HUWE1: variants seen among roughly 807,000 people sequenced by gnomAD.
HUWE1 encodes E3 ubiquitin-protein ligase HUWE1.
A neutral mutation model predicts 299.4 loss-of-function variants in HUWE1; 18 were observed. The ratio of observed to expected loss-of-function variants is 0.06; its 90% CI spans 0.04 to 0.09. The LOEUF (loss-of-function observed/expected upper bound fraction) is 0.09, where lower values mean the gene tolerates loss of function less well. Ranked by LOEUF, HUWE1 falls within the 10% of genes least tolerant of loss-of-function variation. HUWE1 has a pLI of 1.00. For synonymous variants in HUWE1, 1,317 were observed against 1,286.1 expected (o/e 1.02, Z -0.51); for missense variants, 1,832 against 3,462.3 (o/e 0.53, Z 11.82).
intron 7 of HUWE1, among the ~76,000 whole-genome samples, chrX:53,637,949 G>C (rs782094647): frequency 9.0e-6 from 1 of 111,252 alleles, no homozygotes; most frequent in Non-Finnish European, 1.9e-5. Context: ...GTACTATTCA[G>C]AATAACACTA....
intron 3 of HUWE1, among the ~76,000 whole-genome samples, chrX:53,668,820 C>T (rs1603269398): frequency 1.8e-5 from 2 of 112,416 alleles, no homozygotes. Context: ...TCTTTCTACA[C>T]ATTACCTGCA....
At chrX:53,647,339 C>T in intron 6 of HUWE1, 29 bp downstream of exon 6, 1 of 1,038,397 alleles carries the variant, frequency 9.6e-7, no homozygotes, top group Non-Finnish European at 1.4e-6. Flanking sequence ...TAGTCAAGAA[C>T]AGGGTACACA....
intron 3 of HUWE1, among the ~76,000 whole-genome samples, chrX:53,672,461 G>GCC (rs2149544276): frequency 9.1e-6 from 1 of 109,891 alleles, no homozygotes; most frequent in South Asian, 3.9e-4. Flanking sequence ...GTTTCACCAT[G>GCC]TTGGCCAGGC....
chrX:53,606,212 G>A (rs186563808), intron 25 of HUWE1, among the ~76,000 whole-genome samples: 7 of 112,208 alleles, frequency 6.2e-5, no homozygotes, highest in East Asian at 2.8e-4. Flanking sequence ...TACCTGAGAA[G>A]AAATTAGTAT....
chrX:53,590,643 G>C, intron 34 of HUWE1, 144 bp from the exon 35 acceptor site: 1 of 514,871 alleles, frequency 1.9e-6, no homozygotes, highest in Non-Finnish European at 3.4e-6. Flanking sequence ...TCTTGTATAA[G>C]TCAAACCCTA....
Position 53,565,226 on chromosome X carries a change from T to C in HUWE1, c.6721A>G (p.Asn2241Asp). 8.3e-7 allele frequency: 1 copy of C among 1,208,706 alleles called. No individual in the cohort carries two copies. The highest frequency in any genetic ancestry group is 1.1e-6 in the Non-Finnish European group (1 of 893,325). ...GGCTTCAGAGCAGCATTGACTGTGT[T>C]GGCCATGTTGGGACTGAGATAAGGG... ...SLDLSSPNMA[N>D]TVNAALKPLE... is the part of the protein sequence containing the mutation. The change falls in exon 50 of 84, where the codon AAC becomes GAC. Residue 2241 changes from asparagine to aspartate, a missense_variant. Coordinates refer to ENST00000262854, the MANE Select transcript of HUWE1 (RefSeq NM_031407.7).
intron 57 of HUWE1, 73 bp from the exon 58 acceptor site, chrX:53,559,133 G>T: frequency 1.1e-6 from 1 of 907,264 alleles, no homozygotes; most frequent in Non-Finnish European, 1.6e-6. Context: ...TCCAAAAATT[G>T]CAGTATTTCC....
Position 53,593,394 on chromosome X carries a change from A to G in HUWE1, c.3711T>C (p.Ser1237=), listed in dbSNP as rs1281405754. ...PGGVQNFPQF[S]ALRFLVVTQK... ...GAGTTACCACAAGGAAGCGCAGTGCACTGAACTGGGGAAAGTTCTGGACAC... is the reference window on the plus strand; with the variant it reads ...GAGTTACCACAAGGAAGCGCAGTGCGCTGAACTGGGGAAAGTTCTGGACAC... The change falls in exon 32 of 84, where the codon AGT becomes AGC. Residue 1237 remains serine, a synonymous_variant. Transcript: ENST00000262854. 1.7e-6 allele frequency: 2 copies of G among 1,203,991 alleles called. No individual in the cohort carries two copies. The highest frequency in any genetic ancestry group is 2.2e-6 in the Non-Finnish European group (2 of 889,591).
At chrX:53,557,301 T>C (rs372799676) in intron 60 of HUWE1, 81 bp downstream of exon 60, 20 of 870,287 alleles carry the variant, frequency 2.3e-5, no homozygotes, top group Non-Finnish European at 3.2e-5. Context: ...CTTCAGCCTA[T>C]GTGGGCCAGC....
chrX:53,641,305 T>C (rs2067572826), intron 7 of HUWE1, among the ~76,000 whole-genome samples: 1 of 111,806 alleles, frequency 8.9e-6, no homozygotes, highest in African/African-American at 3.2e-5. Context: ...CACTATAGCT[T>C]TATGATATTA....
intron 45 of HUWE1, 145 bp from the exon 46 acceptor site, chrX:53,575,366 A>G: frequency 1.9e-6 from 1 of 524,285 alleles, no homozygotes; most frequent in Non-Finnish European, 3.4e-6. Context: ...TTTATACTAT[A>G]ATCTGTGGGA....
Position 53,686,701 on chromosome X carries a change from C to G in HUWE1, c.-375G>C, listed in dbSNP as rs1341677616. ...CTCCAGCCCTGCTCCAGCCCTGCTCCCCTCGCTAGCCCTCAGTCGAAAGCC... is the reference window on the plus strand; with the variant it reads ...CTCCAGCCCTGCTCCAGCCCTGCTCGCCTCGCTAGCCCTCAGTCGAAAGCC... On this transcript the variant is annotated 5_prime_UTR_variant, in exon 1 of 84. Coordinates refer to ENST00000262854, the MANE Select transcript of HUWE1 (RefSeq NM_031407.7). The G allele has an allele frequency of 1.7e-5, 2 of 118,217 alleles. No individual in the cohort carries two copies. The highest frequency in any genetic ancestry group is 6.5e-5 in the African/African-American group (2 of 30,948). 9.7% of individuals were successfully genotyped at this position (118,217 alleles called of 1,213,427 possible).
Position 53,563,826 on chromosome X carries a change from A to C in HUWE1, c.7030-5T>G. 1 of 1,208,612 alleles carries C rather than the reference A, an allele frequency of 8.3e-7. No homozygotes were observed. The highest frequency in any genetic ancestry group is 1.7e-5 in the African/African-American group (1 of 57,814). The stretch of plus-strand genomic sequence containing the variant: ...GTCCTCCAGCTCATTCTCAACCTGG[A>C]GAGAAATAGAACATATATATGGATG... On this transcript the variant is annotated splice_polypyrimidine_tract_variant and splice_region_variant and intron_variant, in intron 51 of 83. Coordinates refer to ENST00000262854, the MANE Select transcript of HUWE1 (RefSeq NM_031407.7).
chrX:53,588,983 A>G (rs782593894), intron 36 of HUWE1, among the ~76,000 whole-genome samples: 2 of 112,574 alleles, frequency 1.8e-5, no homozygotes, highest in Non-Finnish European at 3.7e-5. Flanking sequence ...TCTATTTTAC[A>G]AAGCCCAGAA....
At chrX:53,644,104 C>T (rs782695450) in intron 7 of HUWE1, among the ~76,000 whole-genome samples, 1 of 112,573 alleles carries the variant, frequency 8.9e-6, no homozygotes, top group East Asian at 2.8e-4. Context: ...TAATAACAGG[C>T]ATAAGCCATC....
chrX:53,641,140 AT>A, intron 7 of HUWE1, among the ~76,000 whole-genome samples: 1 of 111,827 alleles, frequency 8.9e-6, no homozygotes, highest in South Asian at 3.8e-4. Flanking sequence ...TTCTAAACAC[AT>A]TTTCCCCTCA....
intron 46 of HUWE1, 87 bp from the exon 47 acceptor site, chrX:53,574,051 C>A: frequency 1.2e-6 from 1 of 822,423 alleles, no homozygotes; most frequent in Non-Finnish European, 1.8e-6. Flanking sequence ...GCTATTTCTC[C>A]TCCACTTTAA....
intron 5 of HUWE1, 115 bp from the exon 6 acceptor site, chrX:53,647,689 G>T: frequency 1.7e-6 from 1 of 585,594 alleles, no homozygotes; most frequent in East Asian, 3.2e-5. Context: ...ACAAGTTCAC[G>T]TCCCACCCTT....
chrX:53,664,357 A>C (rs1557046708), intron 3 of HUWE1, among the ~76,000 whole-genome samples: 1 of 111,987 alleles, frequency 8.9e-6, no homozygotes, highest in Non-Finnish European at 1.9e-5. Context: ...CAGGCCTAAA[A>C]TTTTCCTTAA....
Sources: allele counts gnomAD v4.1 joint callset (sites outside exome capture counted in the v4.1 genomes callset), GRCh38; gene constraint gnomAD v4.1.1; transcripts MANE v1.5; gene names NCBI Gene and HGNC (gene_info 2026-07-23, HGNC 2026-07-21).